The following APMAP variants were observed in gnomAD, a reference collection of about 807,000 sequenced individuals.
APMAP encodes the protein adipocyte plasma membrane associated protein.
A neutral mutation model predicts 43.6 loss-of-function variants in APMAP; 33 were observed. That is an observed-to-expected ratio of 0.76 (90% confidence interval 0.57 to 1.01). The LOEUF is 1.01. Among genes scored for constraint, APMAP ranks in the 50% least tolerant of loss-of-function variants. The pLI is 0.00. For missense variants in APMAP, 498 were observed against 540.7 expected (o/e 0.92, Z 0.78); for synonymous variants, 224 against 216.7 (o/e 1.03, Z -0.30).
chr20:24,986,265 G>A (rs1236653228), intron 1 of APMAP, among the ~76,000 whole-genome samples: 3 of 152,080 alleles, frequency 2.0e-5, no homozygotes, highest in Non-Finnish European at 2.9e-5. Context: ...AGCTCACCCC[G>A]TACACCTGAG....
rs2088141639 is a variant in APMAP, at chr20:24,985,737, G to A, written c.96-1718C>T. Among the ~76,000 whole-genome samples the A allele has an allele frequency of 2.6e-5, 4 of 152,292 alleles. No individual in the cohort carries two copies. In the South Asian group the frequency reaches 8.3e-4, roughly 32 times the overall value. ...AGGAAGAATTCTGAGGAGCAGCACAGAAAAAGCCTAGATTTCCTTGAACAC... is the reference window on the plus strand; with the variant it reads ...AGGAAGAATTCTGAGGAGCAGCACAAAAAAAGCCTAGATTTCCTTGAACAC... On this transcript the variant is annotated intron_variant, in intron 1 of 8. Coordinates refer to ENST00000217456, the MANE Select transcript of APMAP (RefSeq NM_020531.3).
At chr20:24,979,453 C>G (rs1274942581) in intron 2 of APMAP, among the ~76,000 whole-genome samples, 1 of 152,162 alleles carries the variant, frequency 6.6e-6, no homozygotes, top group Non-Finnish European at 1.5e-5. Context: ...GCCCTGGAGC[C>G]CTTCTACTCA....
chr20:24,968,052 C>T (rs1380252300), intron 8 of APMAP, among the ~76,000 whole-genome samples: 2 of 152,208 alleles, frequency 1.3e-5, no homozygotes, highest in African/African-American at 4.8e-5. Flanking sequence ...ATTTCCATAT[C>T]GGTTCAAATA....
intron 4 of APMAP, 104 bp downstream of exon 4, chr20:24,973,541 C>T: frequency 2.6e-6 from 3 of 1,133,842 alleles, no homozygotes; most frequent in Non-Finnish European, 2.5e-6. Flanking sequence ...GTCAGAGGTT[C>T]TTTTTCTCCC....
rs567422020 is a variant in APMAP at position 24,963,325 on chromosome 20, C to G, written c.*488G>C. ...GGCTAACACGGCTCTCACCGCTGGC[C>G]TCAACACCCCTGGGCCATGCTCCCT... On this transcript the variant is annotated 3_prime_UTR_variant, in exon 9 of 9. Transcript: ENST00000217456. The G allele has an allele frequency of 6.2e-6, 1 of 161,702 alleles. No individual in the cohort carries two copies. The highest frequency in any genetic ancestry group is 2.4e-5 in the African/African-American group (1 of 41,632). The allele number at this position is 161,702 out of a possible 1,614,324, so 10.0% of individuals were successfully genotyped here.
At position 24,968,882 on chromosome 20, in the gene APMAP, T is replaced by C. The variant is rs199685541; in HGVS notation, c.1041+10A>G. On this transcript the variant is annotated intron_variant, in intron 8 of 8. Coordinates refer to ENST00000217456, the MANE Select transcript of APMAP (RefSeq NM_020531.3). ...ATTTTCTTTCTTGGAATAACAGTTT[T>C]CACAGTTACCTTAAAAATCATCCTT... is the stretch of plus-strand genomic sequence containing the variant. 7 of 1,571,060 alleles carry C rather than the reference T, an allele frequency of 4.5e-6. No homozygotes were observed. The African/African-American group carries it at 8.2e-5, about 18-fold the overall frequency.
intron 1 of APMAP, among the ~76,000 whole-genome samples, chr20:24,991,653 GAACA>G (rs2088193522): frequency 6.6e-6 from 1 of 152,158 alleles, no homozygotes. Flanking sequence ...CACTACTGAT[GAACA>G]AATATTTCCA....
At chr20:24,978,335 C>T (rs191746609) in intron 3 of APMAP, among the ~76,000 whole-genome samples, 44 of 152,292 alleles carry the variant, frequency 2.9e-4, no homozygotes, top group African/African-American at 1.0e-3. Flanking sequence ...TTCAAACAGT[C>T]AGACAAAAAC....
chr20:24,978,709 G>A lies in APMAP; in HGVS notation c.328+58C>T, dbSNP rs149290716. 692 of 1,149,052 alleles carry A rather than the reference G, an allele frequency of 6.0e-4. 16 individuals carry two copies. In the East Asian group the frequency reaches 0.014, roughly 23 times the overall value. The allele number at this position is 1,149,052 out of a possible 1,614,324, so 71.2% of individuals were successfully genotyped here. A position where few individuals can be genotyped will look rare whatever the true frequency, so the allele number is the denominator to read the frequency against. On this transcript the variant is annotated intron_variant, in intron 3 of 8. Coordinates refer to ENST00000217456, the MANE Select transcript of APMAP (RefSeq NM_020531.3). The stretch of plus-strand genomic sequence containing the variant: ...CACTGCAGCTGCTCCCACAGAACCC[G>A]CCCCCTCAGACAACAGACAGCCTGG...
At chr20:24,982,858 C>T (rs1429080578) in intron 2 of APMAP, among the ~76,000 whole-genome samples, 1 of 151,590 alleles carries the variant, frequency 6.6e-6, no homozygotes, top group Non-Finnish European at 1.5e-5. Flanking sequence ...ACCCCTGACG[C>T]CCCTCCTTTG....
At chr20:24,980,187 C>A (rs565617920) in intron 2 of APMAP, among the ~76,000 whole-genome samples, 1 of 152,340 alleles carries the variant, frequency 6.6e-6, no homozygotes, top group African/African-American at 2.4e-5. Context: ...AGGCTCCCAA[C>A]GAGCACTGCT....
chr20:24,975,879 A>G (rs2088046665), intron 3 of APMAP, among the ~76,000 whole-genome samples: 2 of 152,248 alleles, frequency 1.3e-5, no homozygotes, highest in Admixed American at 6.5e-5. Flanking sequence ...ACCCACATAA[A>G]TACAATCAAC....
rs1235430879 is a variant in APMAP, at chr20:24,971,602, G to A, written c.422-26C>T. 2.5e-6 allele frequency: 4 copies of A among 1,583,800 alleles called. No individual in the cohort carries two copies. The East Asian group carries it at 8.9e-5, about 35-fold the overall frequency. ...CTAGAAAAACAAACAGATGGGGATT[G>A]GTAGCTGGTCCCGGATTCTACATGT... On this transcript the variant is annotated intron_variant, in intron 4 of 8. Coordinates refer to ENST00000217456, the MANE Select transcript of APMAP (RefSeq NM_020531.3).
chr20:24,970,481 T>A (rs2087989488), intron 5 of APMAP, 110 bp from the exon 6 acceptor site: 13 of 972,246 alleles, frequency 1.3e-5, no homozygotes. Flanking sequence ...AACTTCTCCA[T>A]GTCATTTGTC....
At chr20:24,987,949 G>C (rs1004159207) in intron 1 of APMAP, among the ~76,000 whole-genome samples, 2 of 152,174 alleles carry the variant, frequency 1.3e-5, no homozygotes, top group Admixed American at 6.5e-5. Flanking sequence ...CTGGTTACAA[G>C]TAAATGACAG....
rs1200819583 is a variant in APMAP at position 24,982,704 on chromosome 20, TC to T, written c.212+1198del. On this transcript the variant is annotated intron_variant, in intron 2 of 8. Transcript: ENST00000217456. The stretch of plus-strand genomic sequence containing the variant: ...ATCCCCAGCTGTGGACACAGTTCAC[TC>T]CCCCACCTTAGCCAACTGGACTATC... Among the ~76,000 whole-genome samples the T allele has an allele frequency of 4.0e-5, 6 of 151,784 alleles. No homozygotes were observed. In the East Asian group the frequency reaches 1.2e-3, roughly 29 times the overall value.
At position 24,992,695 on chromosome 20, in the gene APMAP, G is replaced by A. The variant is rs933766662; in HGVS notation, c.-7C>T. 9.9e-6 allele frequency: 15 copies of A among 1,511,550 alleles called. No individual in the cohort carries two copies. The Admixed American group carries it at 2.6e-4, about 26-fold the overall frequency. 93.6% of individuals were successfully genotyped at this position (1,511,550 alleles called of 1,614,324 possible). A position where few individuals can be genotyped will look rare whatever the true frequency, so the allele number is the denominator to read the frequency against. ...GCCCGTCCGCCTCGCTCATGGTACG[G>A]GCGCCAGCCTCACCCGCAGAAACCA... On this transcript the variant is annotated 5_prime_UTR_variant, in exon 1 of 9. Coordinates refer to ENST00000217456, the MANE Select transcript of APMAP (RefSeq NM_020531.3).
Position 24,971,699 on chromosome 20 carries a change from A to G in APMAP, c.422-123T>C, listed in dbSNP as rs942630219. 3.6e-6 allele frequency: 3 copies of G among 831,310 alleles called. No homozygotes were observed. In the African/African-American group the frequency reaches 5.1e-5, roughly 14 times the overall value. 51.5% of individuals were successfully genotyped at this position (831,310 alleles called of 1,614,324 possible). On this transcript the variant is annotated intron_variant, in intron 4 of 8. Transcript: ENST00000217456. ...ATGCTGTACAGAACAAGACAAGACC[A>G]TGGCATTAGAGCTACAACTGCCCTG...
rs147403903 is a variant in APMAP at position 24,967,471 on chromosome 20, C to T, written c.1041+1421G>A. Among the ~76,000 whole-genome samples the T allele has an allele frequency of 3.7e-3, 559 of 152,320 alleles. 3 individuals are homozygous for T. Among genetic ancestry groups the T allele is most frequent in the Non-Finnish European group, 6.0e-3 (409 of 68,024 alleles). ...CCTCCCTAACTGTGCCCTCAATCAACGGTACGTCCTCGCACCTACATGTGC... is the reference window on the plus strand; with the variant it reads ...CCTCCCTAACTGTGCCCTCAATCAATGGTACGTCCTCGCACCTACATGTGC... On this transcript the variant is annotated intron_variant, in intron 8 of 8. Transcript: ENST00000217456.
Sources: gnomAD v4.1 joint callset for allele counts (sites outside exome capture counted in the v4.1 genomes callset) on GRCh38, gnomAD v4.1.1 for gene constraint, MANE v1.5 for transcripts, NCBI Gene and HGNC (gene_info 2026-07-23, HGNC 2026-07-21) for gene names.